Variants in CTNNA3 observed in about 807,000 individuals in gnomAD.
CTNNA3 encodes catenin alpha-3.
Under a neutral mutation model 95.7 loss-of-function variants are expected in CTNNA3, and 76 were observed. The ratio of observed to expected loss-of-function variants is 0.79; its 90% confidence interval spans 0.66 to 0.96. The LOEUF (loss-of-function observed/expected upper bound fraction) is 0.96. Among genes scored for constraint, CTNNA3 ranks in the 40% least tolerant of loss-of-function variants. The pLI is 0.00. For synonymous variants in CTNNA3, 431 were observed against 374.4 expected, an observed-to-expected ratio of 1.15 and a Z score of -1.74; for missense variants, 1,191 against 1,089.8, an observed-to-expected ratio of 1.09 and a Z score of -1.31.
At chr10:67,452,415 C>T (rs1847022998) in intron 5 of CTNNA3, among the ~76,000 whole-genome samples, 1 of 152,056 alleles carries the variant, frequency 6.6e-6, no homozygotes, top group Admixed American at 6.6e-5. Context: ...CCCAATGGTA[C>T]CTAACATCTA....
intron 13 of CTNNA3, among the ~76,000 whole-genome samples, chr10:66,128,648 G>C (rs566939275): frequency 6.6e-6 from 1 of 152,134 alleles, no homozygotes; most frequent in African/African-American, 2.4e-5. Context: ...TTAGAGGGAG[G>C]GGATGTATAG....
At chr10:67,688,162 A>G (rs1205674559) in intron 1 of CTNNA3, among the ~76,000 whole-genome samples, 2 of 152,080 alleles carry the variant, frequency 1.3e-5, no homozygotes, top group African/African-American at 4.8e-5. Context: ...TCATCTGAAA[A>G]CTTCCCCAGA....
intron 9 of CTNNA3, among the ~76,000 whole-genome samples, chr10:66,679,508 A>G (rs1455948969): frequency 6.6e-6 from 1 of 152,192 alleles, no homozygotes; most frequent in Non-Finnish European, 1.5e-5. Flanking sequence ...TCTGGACTAG[A>G]GAAAATAAGT....
intron 9 of CTNNA3, among the ~76,000 whole-genome samples, chr10:66,633,134 T>C (rs556504150): frequency 6.6e-6 from 1 of 152,294 alleles, no homozygotes; most frequent in African/African-American, 2.4e-5. Context: ...ATTTAAAATG[T>C]TCAGAACTGT....
chr10:67,489,807 C>T (rs10997661), intron 5 of CTNNA3, among the ~76,000 whole-genome samples: 6,677 of 134,024 alleles, frequency 0.05, 192 homozygotes, highest in South Asian at 0.11. Context: ...TATATATATA[C>T]ACACATTAGG....
chr10:67,147,271 C>T (rs1338132292), intron 7 of CTNNA3, among the ~76,000 whole-genome samples: 1 of 152,132 alleles, frequency 6.6e-6, no homozygotes, highest in African/African-American at 2.4e-5. Context: ...AAGTTCTGGA[C>T]CAGACAACTT....
intron 5 of CTNNA3, among the ~76,000 whole-genome samples, chr10:67,391,352 T>C (rs1487994906): frequency 1.3e-5 from 2 of 150,296 alleles, no homozygotes; most frequent in Non-Finnish European, 3.0e-5. Flanking sequence ...TTACAAGGGA[T>C]GTGAAGGACC....
rs550012373 is a variant in CTNNA3, at chr10:67,528,340, T to C, written c.460-6379A>G. 4.0e-4 allele frequency among the ~76,000 whole-genome samples: 61 copies of C among 152,304 alleles called. No homozygotes were observed. The Middle Eastern group carries it at 0.014, about 34-fold the overall frequency. ...CATCATTACCCTGCTTAAAATTCTT[T>C]CATGGTTTCCCCTTAGCTTTCAGAC... is the stretch of plus-strand genomic sequence containing the variant. On this transcript the variant is annotated intron_variant, in intron 4 of 17. Coordinates refer to ENST00000433211, the MANE Select transcript of CTNNA3 (RefSeq NM_013266.4).
At chr10:67,699,115 G>C (rs895212320), upstream of CTNNA3, among the ~76,000 whole-genome samples, 3 of 152,062 alleles carry the variant, frequency 2.0e-5, no homozygotes, top group Non-Finnish European at 4.4e-5. Flanking sequence ...CAAGGACTCT[G>C]CTCCTTCACG....
intron 13 of CTNNA3, among the ~76,000 whole-genome samples, chr10:66,183,041 G>A (rs1432474690): frequency 1.3e-5 from 2 of 152,142 alleles, no homozygotes; most frequent in Admixed American, 6.5e-5. Flanking sequence ...TCGGAGAGGA[G>A]GGAAGAAATC....
chr10:66,244,224 T>C (rs1306674360), intron 13 of CTNNA3, among the ~76,000 whole-genome samples: 2 of 152,184 alleles, frequency 1.3e-5, no homozygotes, highest in East Asian at 3.9e-4. Context: ...AGTGCCAGCT[T>C]AGCCACAGTA....
At chr10:67,387,752 C>T (rs1268158191) in intron 5 of CTNNA3, among the ~76,000 whole-genome samples, 2 of 152,204 alleles carry the variant, frequency 1.3e-5, no homozygotes, top group Non-Finnish European at 2.9e-5. Flanking sequence ...GTCCCTGACC[C>T]CTGACCTCTG....
At chr10:66,015,499 GT>G (rs1370305436) in intron 15 of CTNNA3, among the ~76,000 whole-genome samples, 3 of 152,170 alleles carry the variant, frequency 2.0e-5, no homozygotes, top group Admixed American at 2.0e-4. Context: ...AAGTGCTTCT[GT>G]GTTACAATAG....
intron 1 of CTNNA3, among the ~76,000 whole-genome samples, chr10:67,673,035 T>C (rs546105046): frequency 7.9e-5 from 12 of 151,602 alleles, no homozygotes; most frequent in Non-Finnish European, 1.6e-4. Flanking sequence ...TTTTATTTCA[T>C]TGAGCAGTGG....
At chr10:66,225,160 A>G (rs1054666424) in intron 13 of CTNNA3, among the ~76,000 whole-genome samples, 3 of 151,714 alleles carry the variant, frequency 2.0e-5, no homozygotes, top group African/African-American at 7.3e-5. Flanking sequence ...ATCTAGCTGT[A>G]ATTTTGTATC....
At chr10:67,038,859 TTA>T (rs146949279) in intron 7 of CTNNA3, among the ~76,000 whole-genome samples, 2,291 of 152,196 alleles carry the variant, frequency 0.015, 63 homozygotes, top group African/African-American at 0.052. Flanking sequence ...TCTTTATATA[TTA>T]TGTTATAATA....
At chr10:66,579,939 G>A (rs536181327) in intron 10 of CTNNA3, among the ~76,000 whole-genome samples, 1 of 151,828 alleles carries the variant, frequency 6.6e-6, no homozygotes, top group Non-Finnish European at 1.5e-5. Context: ...TGTCTATGGT[G>A]TGATTTCATG....
chr10:67,325,533 T>G (rs755936547), intron 5 of CTNNA3, among the ~76,000 whole-genome samples: 1 of 152,218 alleles, frequency 6.6e-6, no homozygotes, highest in Non-Finnish European at 1.5e-5. Context: ...CATGAAATTA[T>G]GTGGCTTTGA....
chr10:66,446,420 C>A (rs1452691704), intron 11 of CTNNA3, among the ~76,000 whole-genome samples: 3 of 152,014 alleles, frequency 2.0e-5, no homozygotes, highest in African/African-American at 7.3e-5. Flanking sequence ...ATGCAAAAAT[C>A]CTCAATAAAA....
Sources: allele counts gnomAD v4.1 joint callset (sites outside exome capture counted in the v4.1 genomes callset), GRCh38; gene constraint gnomAD v4.1.1; transcripts MANE v1.5; gene names NCBI Gene and HGNC (gene_info 2026-07-23, HGNC 2026-07-21).